Variants in ANOS1 observed in about 807,000 individuals in gnomAD.
ANOS1 encodes the protein anosmin-1.
A neutral mutation model predicts 59.0 loss-of-function variants in ANOS1; 6 were observed. The ratio of observed to expected loss-of-function variants is 0.10; its 90% confidence interval spans 0.06 to 0.20. The LOEUF (loss-of-function observed/expected upper bound fraction) is 0.20, where lower values mean the gene tolerates loss of function less well. ANOS1 is among the 10% of genes least tolerant of loss of function. ANOS1 has a pLI of 1.00. For missense variants in ANOS1, 433 were observed against 542.3 expected, an observed-to-expected ratio of 0.80 and a Z score of 2.00; for synonymous variants, 217 against 223.4, an observed-to-expected ratio of 0.97 and a Z score of 0.25.
At chrX:8,657,670 T>C (rs1400006003) in intron 2 of ANOS1, among the ~76,000 whole-genome samples, 2 of 109,986 alleles carry the variant, frequency 1.8e-5, no homozygotes, top group Non-Finnish European at 3.8e-5. Flanking sequence ...GGTTTTACCA[T>C]GTTGGTCAGG....
Position 8,539,736 on chromosome X carries a change from A to G in ANOS1, c.1377T>C (p.His459=), listed in dbSNP as rs1438589022. ...KTEDPTVNRY[H]VRWFPEACAH... is the part of the protein sequence containing the mutation. ...CACACGCTTCAGGAAACCACCGCACATGATATCGGTTGACAGTGGGATCTA... is the reference window on the plus strand; with the variant it reads ...CACACGCTTCAGGAAACCACCGCACGTGATATCGGTTGACAGTGGGATCTA... Residue 459 remains histidine (H), a synonymous_variant, in exon 10 of 14, where the codon CAT becomes CAC. Coordinates refer to ENST00000262648, the MANE Select transcript of ANOS1 (RefSeq NM_000216.4). 3.3e-6 allele frequency: 4 copies of G among 1,209,100 alleles called. No homozygotes were observed. The African/African-American group carries it at 7.0e-5, about 21-fold the overall frequency.
chrX:8,608,673 G>C lies in ANOS1; in HGVS notation c.319-11417C>G, dbSNP rs77610469. The stretch of plus-strand genomic sequence containing the variant: ...CAACCAAATCTCATCTTGAATTGTA[G>C]TCCCCATAATCTCCATGTGTCAAAG... On this transcript the variant is annotated intron_variant, in intron 3 of 13. Coordinates refer to ENST00000262648, the MANE Select transcript of ANOS1 (RefSeq NM_000216.4). 2.7e-5 allele frequency among the ~76,000 whole-genome samples: 3 copies of C among 111,998 alleles called. No individual in the cohort carries two copies. In the Admixed American group the frequency reaches 2.8e-4, roughly 11 times the overall value.
intron 1 of ANOS1, among the ~76,000 whole-genome samples, chrX:8,730,279 G>C (rs903474598): frequency 8.9e-6 from 1 of 112,474 alleles, no homozygotes; most frequent in Non-Finnish European, 1.9e-5. Context: ...GAAACCAGGT[G>C]CCTGGGGATC....
chrX:8,712,736 GA>G (rs1233702495), intron 1 of ANOS1, among the ~76,000 whole-genome samples: 1 of 112,178 alleles, frequency 8.9e-6, no homozygotes. Context: ...TGTATCATAA[GA>G]AGGCATTTGT....
Position 8,659,406 on chromosome X carries a change from TTC to T in ANOS1, c.256-35738_256-35737del, listed in dbSNP as rs373535341. Among the ~76,000 whole-genome samples, 17 of 108,415 alleles carry T rather than the reference TTC, an allele frequency of 1.6e-4. 1 individual carries two copies. The highest frequency in any genetic ancestry group is 1.3e-3 in the Admixed American group (13 of 10,108). The allele number at this position is 108,415 out of a possible 115,157, so 94.1% of individuals were successfully genotyped here. A position where few individuals can be genotyped will look rare whatever the true frequency, so the allele number is the denominator to read the frequency against. On this transcript the variant is annotated intron_variant, in intron 2 of 13. Coordinates refer to ENST00000262648, the MANE Select transcript of ANOS1 (RefSeq NM_000216.4). ...AGCCTGAGCGACAGAGTGAGACTCT[TTC>T]TCTCTCTCTCTCTTTCTTTTTCTTT...
intron 1 of ANOS1, among the ~76,000 whole-genome samples, chrX:8,726,811 A>C (rs1416312975): frequency 8.9e-6 from 1 of 112,335 alleles, no homozygotes; most frequent in Non-Finnish European, 1.9e-5. Flanking sequence ...AGAGTCACCT[A>C]TAAAGAGACA....
intron 2 of ANOS1, among the ~76,000 whole-genome samples, chrX:8,680,162 CAAAAAAA>C (rs754341783): frequency 7.0e-5 from 2 of 28,514 alleles, no homozygotes; most frequent in East Asian, 1.5e-3. Context: ...GAGACTCCAT[CAAAAAAA>C]AAAAAAAAAA....
At chrX:8,626,793 G>A (rs772456956) in intron 2 of ANOS1, among the ~76,000 whole-genome samples, 11 of 104,418 alleles carry the variant, frequency 1.1e-4, no homozygotes, top group African/African-American at 2.5e-4. Context: ...CCCGAGAGGC[G>A]GAGCTTGCAG....
At chrX:8,563,056 C>T (rs900130997) in intron 8 of ANOS1, among the ~76,000 whole-genome samples, 2 of 112,100 alleles carry the variant, frequency 1.8e-5, no homozygotes, top group African/African-American at 6.5e-5. Context: ...TATATCAACA[C>T]TGGGATATAA....
intron 2 of ANOS1, among the ~76,000 whole-genome samples, chrX:8,633,241 ACTCT>A (rs1334805811): frequency 9.0e-6 from 1 of 111,116 alleles, no homozygotes; most frequent in African/African-American, 3.3e-5. Flanking sequence ...AAGGGCAATG[ACTCT>A]CTCACTGCGA....
intron 2 of ANOS1, among the ~76,000 whole-genome samples, chrX:8,661,457 C>T (rs1000385049): frequency 1.8e-4 from 20 of 111,448 alleles, no homozygotes; most frequent in African/African-American, 5.2e-4. Context: ...AGGGCCCTCC[C>T]TAATGACCTC....
At chrX:8,561,816 A>C (rs1318527738) in intron 8 of ANOS1, among the ~76,000 whole-genome samples, 1 of 111,769 alleles carries the variant, frequency 8.9e-6, no homozygotes, top group Non-Finnish European at 1.9e-5. Flanking sequence ...ACTCACCAGC[A>C]GATAACTAGG....
At chrX:8,683,657 C>G (rs760046484) in intron 2 of ANOS1, among the ~76,000 whole-genome samples, 4 of 112,077 alleles carry the variant, frequency 3.6e-5, no homozygotes, top group Non-Finnish European at 5.6e-5. Context: ...TCCCAAATAT[C>G]AGAGAGCAAC....
chrX:8,538,133 C>T (rs1929627688), intron 10 of ANOS1, among the ~76,000 whole-genome samples: 1 of 111,168 alleles, frequency 9.0e-6, no homozygotes, highest in African/African-American at 3.3e-5. Context: ...AACCCAAGCC[C>T]AACCCAAGCC....
chrX:8,557,253 C>T (rs891140968), intron 8 of ANOS1, among the ~76,000 whole-genome samples: 5 of 112,075 alleles, frequency 4.5e-5, no homozygotes, highest in Non-Finnish European at 9.4e-5. Context: ...CCATTCAGGA[C>T]ATAGGCATGG....
chrX:8,538,585 A>G (rs1349717007), intron 10 of ANOS1, among the ~76,000 whole-genome samples: 1 of 111,655 alleles, frequency 9.0e-6, no homozygotes, highest in Admixed American at 9.5e-5. Context: ...TATAAGTAAA[A>G]CAAAAACCTC....
rs1021337047 is a variant in ANOS1, at chrX:8,630,869, C to G, written c.256-7199G>C. 3.5e-5 allele frequency among the ~76,000 whole-genome samples: 4 copies of G among 112,978 alleles called. No individual in the cohort carries two copies. In the Admixed American group the frequency reaches 3.7e-4, roughly 11 times the overall value. ...TCTTCCAATCTTCTGTCTGCCATTT[C>G]TAGTGTCAGTATGCCACCAGGGTGT... On this transcript the variant is annotated intron_variant, in intron 2 of 13. Coordinates refer to ENST00000262648, the MANE Select transcript of ANOS1 (RefSeq NM_000216.4).
chrX:8,544,826 G>C (rs1240285046), intron 9 of ANOS1, among the ~76,000 whole-genome samples: 1 of 109,846 alleles, frequency 9.1e-6, no homozygotes, highest in Non-Finnish European at 1.9e-5. Context: ...CAGCACTTTG[G>C]GAGGCTGAGG....
At chrX:8,706,454 C>T (rs1932780336) in intron 1 of ANOS1, among the ~76,000 whole-genome samples, 1 of 112,362 alleles carries the variant, frequency 8.9e-6, no homozygotes, top group African/African-American at 3.2e-5. Flanking sequence ...TATTTTAAAG[C>T]AATAGATGAA....
Sources: gnomAD v4.1 joint callset for allele counts (sites outside exome capture counted in the v4.1 genomes callset) on GRCh38, gnomAD v4.1.1 for gene constraint, MANE v1.5 for transcripts, NCBI Gene and HGNC (gene_info 2026-07-23, HGNC 2026-07-21) for gene names.